The following POU6F2 variants were observed in gnomAD, a reference collection of about 807,000 sequenced individuals.
POU6F2 encodes the protein POU domain, class 6, transcription factor 2.
Under a neutral mutation model 71.3 loss-of-function variants are expected in POU6F2, and 31 were observed. The observed-to-expected ratio is 0.43, with a 90% CI of 0.33 to 0.59. The LOEUF (loss-of-function observed/expected upper bound fraction) is 0.59, where lower values mean the gene tolerates loss of function less well. POU6F2 is among the 20% of genes least tolerant of loss of function. The pLI is 0.04. For synonymous variants in POU6F2, 347 were observed against 355.7 expected, an observed-to-expected ratio of 0.98 and a Z score of 0.27; for missense variants, 783 against 856.8, an observed-to-expected ratio of 0.91 and a Z score of 1.07.
intron 1 of POU6F2, among the ~76,000 whole-genome samples, chr7:39,047,323 A>G (rs550748345): frequency 6.0e-4 from 91 of 152,020 alleles, no homozygotes; most frequent in Non-Finnish European, 1.1e-3. Context: ...TTTTAACACT[A>G]TTAGGTTTTC....
chr7:39,454,999 A>T (rs1473480576), intron 8 of POU6F2, among the ~76,000 whole-genome samples: 1 of 152,046 alleles, frequency 6.6e-6, no homozygotes, highest in African/African-American at 2.4e-5. Context: ...CATGCAGATT[A>T]TTAGAAAATC....
intron 5 of POU6F2, among the ~76,000 whole-genome samples, chr7:39,374,428 C>T (rs974549417): frequency 2.0e-5 from 3 of 152,262 alleles, no homozygotes; most frequent in South Asian, 2.1e-4. Flanking sequence ...TCCAATCTAC[C>T]GTGAGATACT....
At chr7:39,455,718 A>AT (rs1188480537) in intron 8 of POU6F2, among the ~76,000 whole-genome samples, 1 of 150,190 alleles carries the variant, frequency 6.7e-6, no homozygotes, top group Non-Finnish European at 1.5e-5. Context: ...AAGGAGCTAA[A>AT]TTTAAAAAAA....
chr7:39,090,031 C>G (rs377261594), intron 2 of POU6F2, among the ~76,000 whole-genome samples: 9 of 151,890 alleles, frequency 5.9e-5, no homozygotes, highest in Non-Finnish European at 8.8e-5. Context: ...ACTGCAAAAC[C>G]ACGTATAAGC....
chr7:39,219,876 T>G (rs557236586), intron 4 of POU6F2, among the ~76,000 whole-genome samples: 1 of 152,228 alleles, frequency 6.6e-6, no homozygotes, highest in East Asian at 1.9e-4. Flanking sequence ...ATACAACATT[T>G]GACATAAGAT....
At chr7:39,007,428 G>T (rs1460676176) in intron 1 of POU6F2, among the ~76,000 whole-genome samples, 1 of 152,176 alleles carries the variant, frequency 6.6e-6, no homozygotes, top group Non-Finnish European at 1.5e-5. Context: ...TGTCTTGAAG[G>T]AACAGAAAAC....
rs147776884 is a variant in POU6F2, at chr7:39,161,692, C to T, written c.278-42543C>T. ...GGCTCTATTGGTCAGTGACAGGCAC[C>T]TTGTCTCCCCACAATTTTATGATAC... On this transcript the variant is annotated intron_variant, in intron 2 of 9. Coordinates refer to ENST00000518318, the MANE Select transcript of POU6F2 (RefSeq NM_001370959.1). 2.1e-3 allele frequency among the ~76,000 whole-genome samples: 325 copies of T among 152,240 alleles called. 1 individual carries two copies. The highest frequency in any genetic ancestry group is 7.3e-3 in the African/African-American group (305 of 41,544).
chr7:39,401,732 A>G lies in POU6F2; in HGVS notation c.973-4868A>G, dbSNP rs142880891. ...TTAAATGAAGAGTGAATAGTGATGA[A>G]TGCGTTTATGAATATCCTCATTTGA... On this transcript the variant is annotated intron_variant, in intron 5 of 9. Transcript: ENST00000518318. Among the ~76,000 whole-genome samples the G allele has an allele frequency of 1.1e-4, 16 of 152,334 alleles. No individual in the cohort carries two copies. In the East Asian group the frequency reaches 2.5e-3, roughly 24 times the overall value.
At chr7:39,286,057 C>T (rs1488541956) in intron 4 of POU6F2, among the ~76,000 whole-genome samples, 4 of 152,182 alleles carry the variant, frequency 2.6e-5, no homozygotes, top group African/African-American at 4.8e-5. Flanking sequence ...GTACTTAAGC[C>T]TCATCTCTAC....
chr7:39,314,833 C>T (rs564169507), intron 4 of POU6F2, among the ~76,000 whole-genome samples: 110 of 152,098 alleles, frequency 7.2e-4, no homozygotes, highest in African/African-American at 2.3e-3. Flanking sequence ...AATGTACCTG[C>T]TTAAGCCCAA....
rs369390834 is a variant in POU6F2, at chr7:39,030,379, A to G, written c.105+52321A>G. 8.0e-5 allele frequency among the ~76,000 whole-genome samples: 12 copies of G among 150,456 alleles called. No individual in the cohort carries two copies. In the South Asian group the frequency reaches 1.0e-3, roughly 13 times the overall value. ...TTATATTTCCATTTCAGTTTTTAAT[A>G]TAGTTTACTTGGGCATCCTCTCTTT... On this transcript the variant is annotated intron_variant, in intron 1 of 9. Coordinates refer to ENST00000518318, the MANE Select transcript of POU6F2 (RefSeq NM_001370959.1).
chr7:39,237,838 C>A (rs893875661), intron 4 of POU6F2, among the ~76,000 whole-genome samples: 3 of 152,014 alleles, frequency 2.0e-5, no homozygotes, highest in African/African-American at 4.8e-5. Context: ...TTCTGAAATG[C>A]GGGATTGGGA....
chr7:39,302,142 A>G (rs1341489667), intron 4 of POU6F2, among the ~76,000 whole-genome samples: 3 of 152,202 alleles, frequency 2.0e-5, no homozygotes, highest in African/African-American at 4.8e-5. Flanking sequence ...AATTTTTTAC[A>G]TTTTCTCAAT....
chr7:38,982,071 AC>A (rs1372506924), intron 1 of POU6F2, among the ~76,000 whole-genome samples: 1 of 152,182 alleles, frequency 6.6e-6, no homozygotes, highest in Non-Finnish European at 1.5e-5. Flanking sequence ...GAGAGGGGAC[AC>A]TGGCTCTCAT....
At chr7:39,039,680 TA>T in intron 1 of POU6F2, among the ~76,000 whole-genome samples, 1 of 151,556 alleles carries the variant, frequency 6.6e-6, no homozygotes, top group South Asian at 2.1e-4. Context: ...TAGTCGCAAA[TA>T]AAACAAATGG....
chr7:39,219,406 TG>T (rs1562751611), intron 4 of POU6F2, among the ~76,000 whole-genome samples: 1 of 152,222 alleles, frequency 6.6e-6, no homozygotes, highest in Admixed American at 6.5e-5. Context: ...TGAAAATGTT[TG>T]AGTCCTTTTT....
chr7:39,440,390 CT>C (rs1408393673), intron 7 of POU6F2, among the ~76,000 whole-genome samples: 5 of 152,064 alleles, frequency 3.3e-5, no homozygotes, highest in Non-Finnish European at 2.9e-5. Context: ...CCTTTTCTTT[CT>C]TTTTTTCTCT....
chr7:38,997,011 C>T (rs1788759809), intron 1 of POU6F2, among the ~76,000 whole-genome samples: 1 of 152,200 alleles, frequency 6.6e-6, no homozygotes, highest in Non-Finnish European at 1.5e-5. Flanking sequence ...TCTTCCTGTT[C>T]CTATGTTTTC....
intron 4 of POU6F2, among the ~76,000 whole-genome samples, chr7:39,337,486 C>T (rs181496869): frequency 6.6e-6 from 1 of 152,200 alleles, no homozygotes; most frequent in Non-Finnish European, 1.5e-5. Context: ...TTTACCCCAA[C>T]AAGCATCATT....
Sources: gnomAD v4.1 joint callset for allele counts (sites outside exome capture counted in the v4.1 genomes callset) on GRCh38, gnomAD v4.1.1 for gene constraint, MANE v1.5 for transcripts, NCBI Gene and HGNC (gene_info 2026-07-23, HGNC 2026-07-21) for gene names.